DPP6: variants seen among roughly 807,000 people sequenced by gnomAD.
DPP6 encodes the protein A-type potassium channel modulatory protein DPP6.
Under a neutral mutation model 122.6 loss-of-function variants are expected in DPP6, and 69 were observed. The ratio of observed to expected loss-of-function variants is 0.56; its 90% CI spans 0.46 to 0.69. The LOEUF (loss-of-function observed/expected upper bound fraction) is 0.69, where lower values mean the gene tolerates loss of function less well. Ranked by LOEUF, DPP6 falls within the 30% of genes least tolerant of loss-of-function variation. The probability of loss-of-function intolerance (pLI) is 0.00; values close to 1 mark genes in which losing one functional copy is unlikely to be tolerated. For missense variants in DPP6, 928 were observed against 1,116.9 expected (o/e 0.83, Z 2.41); for synonymous variants, 418 against 433.1 (o/e 0.97, Z 0.43).
chr7:153,838,918 A>G, the DPP6 span, among the ~76,000 whole-genome samples: 1 of 152,184 alleles, frequency 6.6e-6, no homozygotes, highest in Non-Finnish European at 1.5e-5. Context: ...TGGCACGTGA[A>G]TGATATTCAG....
intron 21 of DPP6, chr7:154,881,143 T>A: frequency 1.1e-6 from 1 of 905,770 alleles, no homozygotes; most frequent in Non-Finnish European, 1.5e-6. Context: ...AGTTTCTTTT[T>A]ACATTATCTG....
rs571611166 is a variant in DPP6, at chr7:153,892,167, C to T, written c.51+4433C>T. ...ACTTTCCACAGTAAGAGTTCTCTTT[C>T]GGGCATTTGACCGTTTTGCTGATTC... On this transcript the variant is annotated intron_variant, in intron 1 of 25. Transcript: ENST00000404039. Among the ~76,000 whole-genome samples the T allele has an allele frequency of 1.2e-4, 18 of 152,280 alleles. No individual in the cohort carries two copies. In the South Asian group the frequency reaches 2.7e-3, roughly 23 times the overall value.
rs75315220 is a variant in DPP6 at position 154,527,215 on chromosome 7, G to A, written c.458-13317G>A. ...GAGCTTCAATCTTTTGCAGTTATTA[G>A]TTTTATCAATGCTCCAATTGTTTTA... On this transcript the variant is annotated intron_variant, in intron 3 of 25. Coordinates refer to ENST00000377770, the MANE Select transcript of DPP6 (RefSeq NM_130797.4). Among the ~76,000 whole-genome samples the A allele has an allele frequency of 5.4e-3, 824 of 152,298 alleles. 4 individuals are homozygous for A. Among genetic ancestry groups the A allele is most frequent in the Non-Finnish European group, 8.3e-3 (565 of 68,012 alleles).
intron 3 of DPP6, among the ~76,000 whole-genome samples, chr7:154,523,199 T>C (rs1242330560): frequency 6.6e-6 from 1 of 152,218 alleles, no homozygotes; most frequent in Non-Finnish European, 1.5e-5. Flanking sequence ...AAGACATTAC[T>C]GTGGTCTTTC....
At chr7:154,772,319 C>T (rs1347921437) in intron 9 of DPP6, among the ~76,000 whole-genome samples, 1 of 152,140 alleles carries the variant, frequency 6.6e-6, no homozygotes, top group East Asian at 1.9e-4. Flanking sequence ...CATCAGACAA[C>T]ACCCCGAAGT....
At chr7:154,228,066 A>C (rs1800713200) in intron 1 of DPP6, among the ~76,000 whole-genome samples, 1 of 152,250 alleles carries the variant, frequency 6.6e-6, no homozygotes, top group African/African-American at 2.4e-5. Context: ...ATACTGTTAT[A>C]AACTCCATAG....
intron 10 of DPP6, among the ~76,000 whole-genome samples, chr7:154,780,591 AG>A (rs1418162626): frequency 6.6e-6 from 1 of 152,252 alleles, no homozygotes. Flanking sequence ...ACACTGGACA[AG>A]GTTTGCCAAG....
intron 16 of DPP6, among the ~76,000 whole-genome samples, chr7:154,820,479 C>A (rs531779879): frequency 3.9e-5 from 6 of 152,144 alleles, no homozygotes; most frequent in African/African-American, 1.4e-4. Context: ...ACCCCAGTTG[C>A]CCCCAAAAGC....
chr7:153,863,877 A>G, the DPP6 span, among the ~76,000 whole-genome samples: 2 of 152,166 alleles, frequency 1.3e-5, no homozygotes, highest in Non-Finnish European at 2.9e-5. Flanking sequence ...AATGTTTTCA[A>G]AGTTCATCCA....
At chr7:154,552,285 C>T (rs150654306) in intron 4 of DPP6, among the ~76,000 whole-genome samples, 2,021 of 152,228 alleles carry the variant, frequency 0.013, 24 homozygotes, top group Middle Eastern at 0.034. Context: ...AAAGTGCTTT[C>T]GCCCCAAACC....
chr7:154,148,010 G>A (rs1239682611), intron 1 of DPP6, among the ~76,000 whole-genome samples: 2,119 of 142,288 alleles, frequency 0.015, no homozygotes, highest in African/African-American at 0.06. Context: ...ACTTGTCCCA[G>A]GTGGATCACG....
intron 3 of DPP6, among the ~76,000 whole-genome samples, chr7:154,527,380 T>C (rs767047257): frequency 6.6e-6 from 1 of 152,224 alleles, no homozygotes; most frequent in Admixed American, 6.5e-5. Context: ...GGGTTTCATT[T>C]AGTGGGAAAT....
chr7:154,692,282 T>G (rs1298279568), intron 7 of DPP6, among the ~76,000 whole-genome samples: 1 of 152,224 alleles, frequency 6.6e-6, no homozygotes, highest in Non-Finnish European at 1.5e-5. Context: ...ACCTTGAAAC[T>G]TCTGATTTGA....
At chr7:154,530,448 C>A (rs1237508367) in intron 3 of DPP6, among the ~76,000 whole-genome samples, 1 of 152,032 alleles carries the variant, frequency 6.6e-6, no homozygotes, top group African/African-American at 2.4e-5. Flanking sequence ...GAGACACCAT[C>A]TCATGCCAGT....
intron 1 of DPP6, among the ~76,000 whole-genome samples, chr7:153,912,103 T>C (rs747483010): frequency 6.6e-6 from 1 of 152,120 alleles, no homozygotes; most frequent in Non-Finnish European, 1.5e-5. Context: ...CCATTGTAAT[T>C]TCTGCCAAAA....
chr7:154,712,745 C>T (rs748957658), intron 7 of DPP6, among the ~76,000 whole-genome samples: 36 of 152,160 alleles, frequency 2.4e-4, no homozygotes, highest in Non-Finnish European at 4.4e-4. Context: ...CTACCTGGTC[C>T]GTCTGAAGAC....
chr7:154,863,860 A>C lies in DPP6; in HGVS notation c.1715-4135A>C, dbSNP rs796133743. 3.9e-5 allele frequency among the ~76,000 whole-genome samples: 6 copies of C among 151,916 alleles called. No individual in the cohort carries two copies. Among genetic ancestry groups the C allele is most frequent in the African/African-American group, 1.5e-4 (6 of 41,316 alleles). On this transcript the variant is annotated intron_variant, in intron 17 of 25. Coordinates refer to ENST00000377770, the MANE Select transcript of DPP6 (RefSeq NM_130797.4). This position sits in a 1 kb window ranked among gnomAD's most constrained non-coding sequence, Gnocchi z 4.1. The stretch of plus-strand genomic sequence containing the variant: ...AAGAGATTTCCAGTTAAGGTGAGTA[A>C]GTTTAAACAGTAGTCATGCGGGCTC...
At chr7:154,050,254 CTTTA>C (rs748031395), upstream of DPP6, among the ~76,000 whole-genome samples, 11 of 151,986 alleles carry the variant, frequency 7.2e-5, 1 homozygote, top group South Asian at 2.3e-3. Context: ...AGATTTTAAA[CTTTA>C]GTTAGATTAC....
chr7:154,063,493 C>A (rs1178709627), intron 1 of DPP6, among the ~76,000 whole-genome samples: 1 of 131,368 alleles, frequency 7.6e-6, no homozygotes, highest in Admixed American at 7.9e-5. Flanking sequence ...CCTCTTCCCC[C>A]CCTGGCTCTT....
Sources: allele counts gnomAD v4.1 joint callset (sites outside exome capture counted in the v4.1 genomes callset), GRCh38; gene constraint gnomAD v4.1.1; non-coding constraint Gnocchi (gnomAD v3.1); transcripts MANE v1.5; gene names NCBI Gene and HGNC (gene_info 2026-07-23, HGNC 2026-07-21).